OGDH: variants seen among roughly 807,000 people sequenced by gnomAD.
OGDH encodes oxoglutarate dehydrogenase, also known as 2-oxoglutarate dehydrogenase complex component E1.
A neutral mutation model predicts 116.6 loss-of-function variants in OGDH; 38 were observed. That is an observed-to-expected ratio of 0.33 (90% CI 0.25 to 0.43). The LOEUF is 0.43. Among genes scored for constraint, OGDH ranks in the 20% least tolerant of loss-of-function variants. OGDH has a pLI of 1.00. For missense variants in OGDH, 825 were observed against 1,357.2 expected (o/e 0.61, Z 6.16); for synonymous variants, 488 against 533.3 (o/e 0.92, Z 1.17).
intron 2 of OGDH, among the ~76,000 whole-genome samples, chr7:44,644,349 A>G (rs1786079235): frequency 6.6e-6 from 1 of 152,258 alleles, no homozygotes; most frequent in East Asian, 1.9e-4. Context: ...AGTTCACAGT[A>G]TCTGCAAATT....
chr7:44,623,973 A>G (rs547122924), intron 1 of OGDH, among the ~76,000 whole-genome samples: 40 of 152,114 alleles, frequency 2.6e-4, no homozygotes, highest in African/African-American at 9.2e-4. Flanking sequence ...GAAGATGGTA[A>G]TATCTGCAAC....
chr7:44,623,869 C>A (rs183657360), intron 1 of OGDH, among the ~76,000 whole-genome samples: 1 of 152,192 alleles, frequency 6.6e-6, no homozygotes, highest in Non-Finnish European at 1.5e-5. Context: ...TGGTCTTGAT[C>A]TCCTGACCTC....
At chr7:44,665,602 T>C (rs1787151709) in intron 4 of OGDH, among the ~76,000 whole-genome samples, 1 of 152,188 alleles carries the variant, frequency 6.6e-6, no homozygotes, top group African/African-American at 2.4e-5. Flanking sequence ...GTTAATCCCG[T>C]GCTGGACACT....
chr7:44,696,892 G>A, intron 14 of OGDH, 22 bp from the exon 15 acceptor site: 1 of 1,590,646 alleles, frequency 6.3e-7, no homozygotes. Flanking sequence ...TGCAGCAGCT[G>A]GTGAGAGCTG....
At chr7:44,666,292 A>G (rs2116046631) in intron 4 of OGDH, among the ~76,000 whole-genome samples, 1 of 152,294 alleles carries the variant, frequency 6.6e-6, no homozygotes, top group East Asian at 1.9e-4. Context: ...TATTATTGTC[A>G]TATGATCTGT....
chr7:44,629,940 G>A (rs1319608552), intron 2 of OGDH, among the ~76,000 whole-genome samples: 1 of 152,186 alleles, frequency 6.6e-6, no homozygotes, highest in African/African-American at 2.4e-5. Context: ...CTCCTAAAGT[G>A]TGTACATGTG....
intron 1 of OGDH, among the ~76,000 whole-genome samples, chr7:44,608,976 A>G (rs1562603261): frequency 6.6e-6 from 1 of 152,188 alleles, no homozygotes; most frequent in Admixed American, 6.5e-5. Flanking sequence ...AAAATTCAAG[A>G]TACAGAATAT....
At chr7:44,672,631 CTTTTTGT>C (rs1405489576) in intron 5 of OGDH, among the ~76,000 whole-genome samples, 4 of 140,910 alleles carry the variant, frequency 2.8e-5, no homozygotes, top group South Asian at 2.3e-4. Context: ...AGAGGGATTT[CTTTTTGT>C]TTTTTGTTTT....
At chr7:44,634,596 T>A (rs571998512) in intron 2 of OGDH, among the ~76,000 whole-genome samples, 2 of 152,382 alleles carry the variant, frequency 1.3e-5, no homozygotes, top group South Asian at 4.1e-4. Context: ...CTATAATGAC[T>A]AAGCATTGCT....
chr7:44,630,461 C>G (rs925175006), intron 2 of OGDH, among the ~76,000 whole-genome samples: 2 of 152,328 alleles, frequency 1.3e-5, no homozygotes, highest in African/African-American at 4.8e-5. Flanking sequence ...GAATAATTCA[C>G]AAGGCACTTT....
At chr7:44,667,983 C>T (rs1787258197) in intron 5 of OGDH, among the ~76,000 whole-genome samples, 1 of 152,166 alleles carries the variant, frequency 6.6e-6, no homozygotes, top group Non-Finnish European at 1.5e-5. Flanking sequence ...ACATTAGAAC[C>T]ACCTGGAGAG....
At chr7:44,674,247 G>A (rs1787592808) in intron 6 of OGDH, among the ~76,000 whole-genome samples, 164 bp from the exon 7 acceptor site, 1 of 152,192 alleles carries the variant, frequency 6.6e-6, no homozygotes, top group Non-Finnish European at 1.5e-5. Flanking sequence ...GTTTCACCGT[G>A]TTGGCCAGGC....
rs1381105115 is a variant in OGDH at position 44,693,750 on chromosome 7, G to A, written c.1336-75G>A. The stretch of plus-strand genomic sequence containing the variant: ...CAGATGGCAAGTGCATGCCATGCCC[G>A]GCCTCAGCCCCGCCCTCTGGTCCCT... On this transcript the variant is annotated intron_variant, in intron 10 of 22. Coordinates refer to ENST00000222673, the MANE Select transcript of OGDH (RefSeq NM_002541.4). The A allele has an allele frequency of 3.3e-5, 46 of 1,376,538 alleles. No homozygotes were observed. The Middle Eastern group carries it at 5.7e-4, about 17-fold the overall frequency. 85.3% of individuals were successfully genotyped at this position (1,376,538 alleles called of 1,614,324 possible).
intron 5 of OGDH, among the ~76,000 whole-genome samples, chr7:44,668,011 C>A (rs1787259852): frequency 6.6e-6 from 1 of 152,218 alleles, no homozygotes; most frequent in African/African-American, 2.4e-5. Context: ...AACTGATATC[C>A]AGGCCACAGC....
At chr7:44,695,564 G>A (rs575742699) in intron 12 of OGDH, among the ~76,000 whole-genome samples, 6 of 152,202 alleles carry the variant, frequency 3.9e-5, no homozygotes, top group South Asian at 2.1e-4. Flanking sequence ...TTTGCTGGGC[G>A]TGGTGGCACG....
At chr7:44,649,364 C>G (rs2115833037) in intron 4 of OGDH, among the ~76,000 whole-genome samples, 1 of 151,332 alleles carries the variant, frequency 6.6e-6, no homozygotes, top group Middle Eastern at 3.4e-3. Context: ...GTTCTCCTGC[C>G]TCAGCCTCCT....
At position 44,676,616 on chromosome 7, in the gene OGDH, A is replaced by ATATG. The variant is rs1018322711; in HGVS notation, c.1206+470_1206+471insGTAT. Reference sequence around the variant, plus strand: ...TATGTATGTATGTGTGTGTGTGTGTATATATATATATATATATATATATAT... The same window carrying ATATG: ...TATGTATGTATGTGTGTGTGTGTGTATATGTATATATATATATATATATATATAT... On this transcript the variant is annotated intron_variant, in intron 9 of 22. Transcript: ENST00000222673. 8 of 19,824 alleles carry ATATG rather than the reference A, an allele frequency of 4.0e-4. 1 individual carries two copies. The highest frequency in any genetic ancestry group is 2.7e-3 in the Admixed American group (6 of 2,190). 1.2% of individuals were successfully genotyped at this position (19,824 alleles called of 1,614,324 possible).
At chr7:44,648,143 G>C (rs1786273830) in intron 4 of OGDH, among the ~76,000 whole-genome samples, 1 of 152,216 alleles carries the variant, frequency 6.6e-6, no homozygotes, top group Non-Finnish European at 1.5e-5. Flanking sequence ...CTCAGGAACT[G>C]CTGACACAGC....
At chr7:44,611,484 C>G (rs1328234569) in intron 1 of OGDH, among the ~76,000 whole-genome samples, 1 of 151,874 alleles carries the variant, frequency 6.6e-6, no homozygotes, top group African/African-American at 2.4e-5. Flanking sequence ...ACTGTGTTAC[C>G]CAGGATGGTC....
Sources: allele counts gnomAD v4.1 joint callset (sites outside exome capture counted in the v4.1 genomes callset), GRCh38; gene constraint gnomAD v4.1.1; transcripts MANE v1.5; gene names NCBI Gene and HGNC (gene_info 2026-07-23, HGNC 2026-07-21).